The following CALN1 variants were observed in gnomAD, a reference collection of about 807,000 sequenced individuals.
The protein encoded by CALN1 is calcium-binding protein 8.
In CALN1, 17 loss-of-function variants were observed where a neutral mutation model predicts 30.6. That is an observed-to-expected ratio of 0.56 (90% CI 0.38 to 0.83). The LOEUF is 0.83. CALN1 is among the 40% of genes least tolerant of loss of function. The pLI, the probability that CALN1 is intolerant of heterozygous loss-of-function variation, is 0.00. For synonymous variants in CALN1, 156 were observed against 131.4 expected (o/e 1.19, Z -1.28); for missense variants, 291 against 354.9 (o/e 0.82, Z 1.45).
intron 3 of CALN1, among the ~76,000 whole-genome samples, chr7:72,228,145 C>T (rs973596796): frequency 7.9e-5 from 12 of 151,988 alleles, no homozygotes; most frequent in East Asian, 5.8e-4. Flanking sequence ...AGCTGCTTAA[C>T]GGGGACTGGG....
At position 72,312,314 on chromosome 7, in the gene CALN1, G is replaced by T. The variant is rs764334331; in HGVS notation, c.120-33504C>A. 4.8e-5 allele frequency among the ~76,000 whole-genome samples: 7 copies of T among 146,660 alleles called. 1 individual carries two copies. In the South Asian group the frequency reaches 1.5e-3, roughly 32 times the overall value. ...AGCTACTCGGGAGGCTGAGGCAGGAGAATCACTTGAACCCAGCAGGCAGAG... is the reference window on the plus strand; with the variant it reads ...AGCTACTCGGGAGGCTGAGGCAGGATAATCACTTGAACCCAGCAGGCAGAG... On this transcript the variant is annotated intron_variant, in intron 2 of 6. Transcript: ENST00000395275.
chr7:72,200,982 CAT>C (rs1415449397), intron 3 of CALN1, among the ~76,000 whole-genome samples: 1 of 152,316 alleles, frequency 6.6e-6, no homozygotes, highest in Non-Finnish European at 1.5e-5. Flanking sequence ...CTGTTACTCA[CAT>C]GTTTATTGCA....
intron 5 of CALN1, among the ~76,000 whole-genome samples, chr7:71,916,600 A>G (rs935002928): frequency 1.7e-4 from 26 of 152,134 alleles, no homozygotes; most frequent in Non-Finnish European, 4.4e-5. Context: ...GTTCCCACTT[A>G]TAAGTGGGAG....
intron 5 of CALN1, among the ~76,000 whole-genome samples, chr7:71,879,813 C>T (rs905347031): frequency 6.6e-6 from 1 of 152,196 alleles, no homozygotes; most frequent in African/African-American, 2.4e-5. Flanking sequence ...TGGAAAGAGG[C>T]TCCTCAAACA....
intron 2 of CALN1, among the ~76,000 whole-genome samples, chr7:72,366,187 T>A (rs1410611806): frequency 1.3e-5 from 2 of 152,018 alleles, no homozygotes; most frequent in Non-Finnish European, 2.9e-5. Context: ...ATTTTATTTA[T>A]TTTTGAGACA....
upstream of CALN1, among the ~76,000 whole-genome samples, chr7:72,416,702 T>G (rs1807430235): frequency 8.5e-6 from 1 of 117,832 alleles, no homozygotes; most frequent in Admixed American, 1.2e-4. Flanking sequence ...GTCACTGCAC[T>G]CCAGCCTGGG....
At chr7:72,157,550 C>T (rs1787785316) in intron 3 of CALN1, among the ~76,000 whole-genome samples, 1 of 149,902 alleles carries the variant, frequency 6.7e-6, no homozygotes, top group South Asian at 2.1e-4. Context: ...AAGTGAGAAA[C>T]AAAAAGACTT....
intron 3 of CALN1, among the ~76,000 whole-genome samples, chr7:72,147,561 C>T (rs1190977666): frequency 6.6e-6 from 1 of 151,284 alleles, no homozygotes; most frequent in Non-Finnish European, 1.5e-5. Context: ...GGATCTACAA[C>T]TAGAAATACC....
intron 3 of CALN1, among the ~76,000 whole-genome samples, chr7:72,267,899 C>T (rs988699699): frequency 6.6e-5 from 10 of 151,990 alleles, no homozygotes; most frequent in African/African-American, 1.5e-4. Flanking sequence ...CTCAGCTACT[C>T]GGGAGGCTGA....
rs78194416 is a variant in CALN1 at position 72,384,627 on chromosome 7, T to G, written c.119+18624A>C. Among the ~76,000 whole-genome samples, 322 of 151,640 alleles carry G rather than the reference T, an allele frequency of 2.1e-3. 1 individual carries two copies. In the East Asian group the frequency reaches 0.03, roughly 14 times the overall value. ...CTACTGCACTCCAGCCTGGGCAACATAGTGAGACCCCGTCTCAAGAAAAAA... is the reference window on the plus strand; with the variant it reads ...CTACTGCACTCCAGCCTGGGCAACAGAGTGAGACCCCGTCTCAAGAAAAAA... On this transcript the variant is annotated intron_variant, in intron 2 of 6. Transcript: ENST00000395275.
intron 2 of CALN1, among the ~76,000 whole-genome samples, chr7:72,354,944 T>G (rs985192345): frequency 2.0e-5 from 3 of 151,896 alleles, no homozygotes; most frequent in Non-Finnish European, 4.4e-5. Context: ...GGGTCTCGCT[T>G]TGTCGCCAAA....
rs1791352527 is a variant in CALN1 at position 71,862,562 on chromosome 7, C to T, written c.502-52070G>A. On this transcript the variant is annotated intron_variant, in intron 5 of 6. Coordinates refer to ENST00000395275, the MANE Select transcript of CALN1 (RefSeq NM_031468.4). Reference sequence around the variant, plus strand: ...GCCATGTGGAACTGTGAGTCTATTACACCTCTTTCTTTTATGAATTACCCA... The same window carrying T: ...GCCATGTGGAACTGTGAGTCTATTATACCTCTTTCTTTTATGAATTACCCA... Among the ~76,000 whole-genome samples, 4 of 152,298 alleles carry T rather than the reference C, an allele frequency of 2.6e-5. No individual in the cohort carries two copies. In the South Asian group the frequency reaches 8.3e-4, roughly 32 times the overall value.
rs59664699 is a variant in CALN1, at chr7:72,046,709, TAAAAAAAAAAAAA to T, written c.389-22953_389-22941del. ...TGGGCAACAGAGCGAGACTCCCTCT[TAAAAAAAAAAAAA>T]AAAAAAAAAAAAAAAAGGATTGAAA... On this transcript the variant is annotated intron_variant, in intron 4 of 6. Coordinates refer to ENST00000395275, the MANE Select transcript of CALN1 (RefSeq NM_031468.4). Among the ~76,000 whole-genome samples, 662 of 51,916 alleles carry T rather than the reference TAAAAAAAAAAAAA, an allele frequency of 0.013. 41 individuals carry two copies. The East Asian group carries it at 0.31, about 25-fold the overall frequency. The allele number at this position is 51,916 out of a possible 152,430, so 34.1% of individuals were successfully genotyped here. A position where few individuals can be genotyped will look rare whatever the true frequency, so the allele number is the denominator to read the frequency against.
At chr7:72,415,337 T>A (rs1260372971), upstream of CALN1, among the ~76,000 whole-genome samples, 1 of 152,174 alleles carries the variant, frequency 6.6e-6, no homozygotes, top group African/African-American at 2.4e-5. Flanking sequence ...GCATGCCAGC[T>A]CAAATGCCTA....
intron 2 of CALN1, among the ~76,000 whole-genome samples, chr7:72,333,361 G>C (rs189585229): frequency 7.9e-5 from 12 of 152,322 alleles, no homozygotes; most frequent in Non-Finnish European, 1.3e-4. Flanking sequence ...AATGTTTGTT[G>C]AATGTTAAAT....
chr7:71,994,511 C>CAAAAAAAAAAA lies in CALN1; in HGVS notation c.501+29135_501+29145dup, dbSNP rs367725464. Among the ~76,000 whole-genome samples, 230 of 44,006 alleles carry CAAAAAAAAAAA rather than the reference C, an allele frequency of 5.2e-3. 16 individuals carry two copies. The highest frequency in any genetic ancestry group is 0.019 in the African/African-American group (217 of 11,722). The allele number at this position is 44,006 out of a possible 152,430, so 28.9% of individuals were successfully genotyped here. A position where few individuals can be genotyped will look rare whatever the true frequency, so the allele number is the denominator to read the frequency against. On this transcript the variant is annotated intron_variant, in intron 5 of 6. Transcript: ENST00000395275. ...TGGGCGACAGAGCAAGACTTCATCTCAAAAAAAAAAAAAAAAAAAAAACAG... is the reference window on the plus strand; with the variant it reads ...TGGGCGACAGAGCAAGACTTCATCTCAAAAAAAAAAAAAAAAAAAAAAAAAAAAAAAAACAG...
At chr7:72,102,370 G>A (rs943927157) in intron 4 of CALN1, among the ~76,000 whole-genome samples, 1 of 152,110 alleles carries the variant, frequency 6.6e-6, no homozygotes, top group African/African-American at 2.4e-5. Flanking sequence ...GCTTCAATCT[G>A]GGAGATGGAG....
At chr7:72,408,972 C>T (rs966290698) in intron 1 of CALN1, among the ~76,000 whole-genome samples, 1 of 151,876 alleles carries the variant, frequency 6.6e-6, no homozygotes, top group African/African-American at 2.4e-5. Flanking sequence ...GCCACCACAC[C>T]TGGCCCCAAG....
intron 1 of CALN1, among the ~76,000 whole-genome samples, chr7:72,410,205 C>T (rs772876554): frequency 2.0e-5 from 3 of 152,112 alleles, no homozygotes; most frequent in Non-Finnish European, 2.9e-5. Context: ...GCCTGGAGCT[C>T]TTAAATATGT....
Sources: allele counts gnomAD v4.1 joint callset (sites outside exome capture counted in the v4.1 genomes callset), GRCh38; gene constraint gnomAD v4.1.1; transcripts MANE v1.5; gene names NCBI Gene and HGNC (gene_info 2026-07-23, HGNC 2026-07-21).